LMBRD2: variants seen among roughly 807,000 people sequenced by gnomAD.
LMBRD2 encodes G protein-coupled receptor-associated protein LMBRD2.
LMBRD2 carries 55 observed loss-of-function variants against 94.4 expected under a neutral mutation model. The observed-to-expected ratio is 0.58, with a 90% CI of 0.47 to 0.73. The LOEUF is 0.73. Among genes scored for constraint, LMBRD2 ranks in the 30% least tolerant of loss-of-function variants. The pLI is 0.00. For synonymous variants in LMBRD2, 246 were observed against 272.4 expected (o/e 0.90, Z 0.95); for missense variants, 640 against 831.9 (o/e 0.77, Z 2.84).
chr5:36,105,306 C>A (rs537590820), intron 16 of LMBRD2, 109 bp from the exon 17 acceptor site: 1 of 934,436 alleles, frequency 1.1e-6, no homozygotes. Context: ...AATCTGAAGA[C>A]AAAGAACATA....
chr5:36,118,132 AT>A (rs1743802076), intron 9 of LMBRD2, among the ~76,000 whole-genome samples: 1 of 152,222 alleles, frequency 6.6e-6, no homozygotes, highest in African/African-American at 2.4e-5. Flanking sequence ...ACTGATAGGA[AT>A]GTGACATTGC....
chr5:36,122,952 C>G lies in LMBRD2; in HGVS notation c.832G>C (p.Glu278Gln). Residue 278 changes from glutamate to glutamine, a missense_variant, in exon 8 of 18, where the codon GAG becomes CAG. Glu to Gln is a conservative substitution (Grantham distance 29). Transcript: ENST00000296603. ...VDTILKKCPT[E>Q]YQEKMGRNMD... ...TTCCTACCCATTTTTTCCTGATACT[C>G]TGTAGGGCACTAAAAAAAAAAAAAA... 2.7e-6 allele frequency: 4 copies of G among 1,503,134 alleles called. No individual in the cohort carries two copies. Among genetic ancestry groups the G allele is most frequent in the Non-Finnish European group, 3.5e-6 (4 of 1,138,636 alleles). The allele number at this position is 1,503,134 out of a possible 1,614,324, so 93.1% of individuals were successfully genotyped here. A position where few individuals can be genotyped will look rare whatever the true frequency, so the allele number is the denominator to read the frequency against.
Position 36,122,314 on chromosome 5 carries a change from A to G in LMBRD2, c.1086T>C (p.Asn362=). The G allele has an allele frequency of 6.2e-7, 1 of 1,604,218 alleles. No homozygotes were observed. Among genetic ancestry groups the G allele is most frequent in the Non-Finnish European group, 8.5e-7 (1 of 1,177,254 alleles). Residue 362 remains asparagine (N), a synonymous_variant, in exon 9 of 18, where the codon AAT becomes AAC. Coordinates refer to ENST00000296603, the MANE Select transcript of LMBRD2 (RefSeq NM_001007527.2). ...GATTATAAAAATATTGGATAAATCGATTTTCTGGCTCTGGCGATTGAAAGG... is the reference window on the plus strand; with the variant it reads ...GATTATAAAAATATTGGATAAATCGGTTTTCTGGCTCTGGCGATTGAAAGG... ...VHTFQSPEPE[N]RFIQYFYNPT...
intron 13 of LMBRD2, 40 bp from the exon 14 acceptor site, chr5:36,111,298 C>T (rs903084619): frequency 2.4e-6 from 3 of 1,271,194 alleles, no homozygotes; most frequent in African/African-American, 3.0e-5. Flanking sequence ...AACATTATTT[C>T]ACATTGTAAA....
At chr5:36,132,135 A>T (rs1400753580) in intron 6 of LMBRD2, among the ~76,000 whole-genome samples, 1 of 152,048 alleles carries the variant, frequency 6.6e-6, no homozygotes, top group Non-Finnish European at 1.5e-5. Flanking sequence ...AGAATAGAGA[A>T]CTCCAAAATA....
intron 6 of LMBRD2, among the ~76,000 whole-genome samples, chr5:36,133,091 T>A (rs1196463038): frequency 6.6e-6 from 1 of 151,842 alleles, no homozygotes; most frequent in Non-Finnish European, 1.5e-5. Flanking sequence ...CAAAGAAATG[T>A]CTGCACTCCC....
At chr5:36,150,497 A>C (rs1429630818) in intron 1 of LMBRD2, among the ~76,000 whole-genome samples, 1 of 152,178 alleles carries the variant, frequency 6.6e-6, no homozygotes, top group African/African-American at 2.4e-5. Flanking sequence ...TTCCTGAAGG[A>C]AACTATAATT....
rs1033052730 is a variant in LMBRD2, at chr5:36,151,531, A to G, written c.-58+25T>C. On this transcript the variant is annotated intron_variant, in intron 1 of 17. Coordinates refer to ENST00000296603, the MANE Select transcript of LMBRD2 (RefSeq NM_001007527.2). This position sits in a 1 kb window ranked among gnomAD's most constrained non-coding sequence, Gnocchi z 4.7. ...CCTGGCAAAAGGACGAACAGGTGCG[A>G]CGCCAGCAGTTCGCAGCCTCTCACC... 1.2e-4 allele frequency: 19 copies of G among 152,390 alleles called. No individual in the cohort carries two copies. The highest frequency in any genetic ancestry group is 3.6e-4 in the African/African-American group (15 of 41,562). 9.4% of individuals were successfully genotyped at this position (152,390 alleles called of 1,614,324 possible).
At chr5:36,114,031 A>G (rs1334968157) in intron 13 of LMBRD2, among the ~76,000 whole-genome samples, 1 of 152,168 alleles carries the variant, frequency 6.6e-6, no homozygotes, top group Non-Finnish European at 1.5e-5. Context: ...ACACCCAGCA[A>G]TAATTATTGG....
In LMBRD2 at chr5:36,103,981, G is replaced by C. The variant is rs1055576277; in HGVS notation, c.*65C>G. ...TATAGAGGAAATTCTAGGGTACACA[G>C]ATGTTCATCAAGACTGAACTGATGT... On this transcript the variant is annotated 3_prime_UTR_variant, in exon 18 of 18. Coordinates refer to ENST00000296603, the MANE Select transcript of LMBRD2 (RefSeq NM_001007527.2). 2 of 1,134,978 alleles carry C rather than the reference G, an allele frequency of 1.8e-6. No homozygotes were observed. Among genetic ancestry groups the C allele is most frequent in the African/African-American group, 3.1e-5 (2 of 64,864 alleles). The allele number at this position is 1,134,978 out of a possible 1,614,324, so 70.3% of individuals were successfully genotyped here.
chr5:36,141,115 A>G lies in LMBRD2; in HGVS notation c.360T>C (p.Phe120=). ...FWRVVYWTSQ[F]LTWILLPFMQ... ...CATTTACTGTAACTTACCATGTTAA[A>G]AATTGTGACGTCCAATACACTACCC... is the stretch of plus-strand genomic sequence containing the variant. Residue 120 remains phenylalanine (F), a synonymous_variant, in exon 4 of 18, where the codon TTT becomes TTC. Coordinates refer to ENST00000296603, the MANE Select transcript of LMBRD2 (RefSeq NM_001007527.2). 1 of 1,583,086 alleles carries G rather than the reference A, an allele frequency of 6.3e-7. No homozygotes were observed. The highest frequency in any genetic ancestry group is 8.6e-7 in the Non-Finnish European group (1 of 1,157,438).
chr5:36,139,386 C>T (rs1025147824), intron 4 of LMBRD2, among the ~76,000 whole-genome samples: 2 of 152,142 alleles, frequency 1.3e-5, no homozygotes, highest in African/African-American at 2.4e-5. Flanking sequence ...GCATGAACAG[C>T]CTGGGTGCCA....
In LMBRD2 at chr5:36,146,596, C is replaced by CA. The variant is rs1216518203; in HGVS notation, c.-57-3191dup. Among the ~76,000 whole-genome samples the CA allele has an allele frequency of 2.0e-5, 3 of 152,184 alleles. No homozygotes were observed. The East Asian group carries it at 5.8e-4, about 29-fold the overall frequency. On this transcript the variant is annotated intron_variant, in intron 1 of 17. Coordinates refer to ENST00000296603, the MANE Select transcript of LMBRD2 (RefSeq NM_001007527.2). ...CTTGCTATGTTGCCCAGGCTGGACT[C>CA]AAATACCTGGCTGCAAGTGATCCTC...
chr5:36,105,664 C>T (rs755056352), intron 16 of LMBRD2, among the ~76,000 whole-genome samples: 4 of 151,882 alleles, frequency 2.6e-5, no homozygotes, highest in South Asian at 2.1e-4. Flanking sequence ...CGGCACTAGC[C>T]GATATTTAAT....
chr5:36,111,317 T>A, intron 13 of LMBRD2, 59 bp from the exon 14 acceptor site: 1 of 1,134,274 alleles, frequency 8.8e-7, no homozygotes, highest in Non-Finnish European at 1.3e-6. Flanking sequence ...AATATTTAGA[T>A]GAATTGTTCT....
At chr5:36,143,776 T>C (rs1744473718) in intron 1 of LMBRD2, among the ~76,000 whole-genome samples, 1 of 152,024 alleles carries the variant, frequency 6.6e-6, no homozygotes, top group East Asian at 1.9e-4. Flanking sequence ...GCAAATAAGC[T>C]GTTAACTAAA....
At chr5:36,106,509 G>GATT (rs1491451301) in intron 16 of LMBRD2, among the ~76,000 whole-genome samples, 2 of 119,374 alleles carry the variant, frequency 1.7e-5, no homozygotes, top group South Asian at 2.5e-4. Flanking sequence ...TTTTTCTTTC[G>GATT]TTTTTTTTTT....
chr5:36,120,418 G>A lies in LMBRD2; in HGVS notation c.1120+1862C>T, dbSNP rs545263427. Among the ~76,000 whole-genome samples the A allele has an allele frequency of 2.0e-4, 30 of 152,138 alleles. 1 individual carries two copies. The South Asian group carries it at 3.7e-3, about 19-fold the overall frequency. On this transcript the variant is annotated intron_variant, in intron 9 of 17. Transcript: ENST00000296603. ...TGGGACTACAGGCACGCACCACCAC[G>A]CCCAGCTAATTTTTGTATTTTTAGT...
At chr5:36,143,620 C>G (rs190252486) in intron 1 of LMBRD2, among the ~76,000 whole-genome samples, 1 of 152,068 alleles carries the variant, frequency 6.6e-6, no homozygotes, top group African/African-American at 2.4e-5. Flanking sequence ...ATTTCACGTA[C>G]CTTGTATTTT....
Sources: allele counts gnomAD v4.1 joint callset (sites outside exome capture counted in the v4.1 genomes callset), GRCh38; gene constraint gnomAD v4.1.1; non-coding constraint Gnocchi (gnomAD v3.1); transcripts MANE v1.5; gene names NCBI Gene and HGNC (gene_info 2026-07-23, HGNC 2026-07-21).